The following TMEFF2 variants were observed in gnomAD, a reference collection of about 807,000 sequenced individuals.
TMEFF2 encodes transmembrane protein with EGF like and two follistatin like domains 2.
In TMEFF2, 28 loss-of-function variants were observed where a neutral mutation model predicts 53.8. The ratio of observed to expected loss-of-function variants is 0.52; its 90% CI spans 0.39 to 0.71. The LOEUF (loss-of-function observed/expected upper bound fraction) is 0.71. Among genes scored for constraint, TMEFF2 ranks in the 30% least tolerant of loss-of-function variants. TMEFF2 has a pLI of 0.00. For missense variants in TMEFF2, 353 were observed against 455.2 expected (o/e 0.78, Z 2.04); for synonymous variants, 162 against 166.3 (o/e 0.97, Z 0.20).
chr2:192,114,909 G>T (rs1004519541), intron 4 of TMEFF2, among the ~76,000 whole-genome samples: 1 of 151,900 alleles, frequency 6.6e-6, no homozygotes, highest in African/African-American at 2.4e-5. Context: ...TGATATTATT[G>T]TGATAAACAT....
chr2:192,163,046 C>T (rs1690673004), intron 4 of TMEFF2, among the ~76,000 whole-genome samples: 2 of 152,168 alleles, frequency 1.3e-5, no homozygotes, highest in African/African-American at 4.8e-5. Flanking sequence ...AGCTAAGGAG[C>T]ACCACGGAGG....
chr2:192,123,247 C>T (rs1231483637), intron 4 of TMEFF2, among the ~76,000 whole-genome samples: 1 of 152,170 alleles, frequency 6.6e-6, no homozygotes, highest in Non-Finnish European at 1.5e-5. Context: ...TTGGCAGCAT[C>T]TGTTTTTCAC....
chr2:192,102,626 C>CTTTTTTTTTTTTTTTTTT (rs10635775), intron 4 of TMEFF2, among the ~76,000 whole-genome samples: 5 of 109,836 alleles, frequency 4.6e-5, no homozygotes, highest in African/African-American at 1.4e-4. Flanking sequence ...TTTTCTTGTT[C>CTTTTTTTTTTTTTTTTTT]TTTTTTTTTT....
chr2:192,137,109 G>C (rs768348824), intron 4 of TMEFF2, among the ~76,000 whole-genome samples: 1 of 152,160 alleles, frequency 6.6e-6, no homozygotes, highest in Admixed American at 6.5e-5. Flanking sequence ...GTCCCTAATC[G>C]CATATTGTAA....
chr2:192,111,358 C>T (rs1175616784), intron 4 of TMEFF2, among the ~76,000 whole-genome samples: 2 of 152,120 alleles, frequency 1.3e-5, no homozygotes, highest in Non-Finnish European at 2.9e-5. Flanking sequence ...TTGTTGAGAA[C>T]TAGAGTAAAG....
intron 5 of TMEFF2, among the ~76,000 whole-genome samples, chr2:192,023,830 C>T (rs1012402412): frequency 6.6e-6 from 1 of 152,130 alleles, no homozygotes; most frequent in Admixed American, 6.6e-5. Context: ...ATCCTTAGAT[C>T]ACCTGACTTG....
At chr2:192,087,233 A>C (rs993553144) in intron 4 of TMEFF2, among the ~76,000 whole-genome samples, 1 of 152,110 alleles carries the variant, frequency 6.6e-6, no homozygotes, top group Non-Finnish European at 1.5e-5. Context: ...CAAGATATTT[A>C]ATCCCCAACC....
intron 5 of TMEFF2, among the ~76,000 whole-genome samples, chr2:192,033,246 T>C (rs1447360593): frequency 2.6e-5 from 4 of 152,200 alleles, no homozygotes; most frequent in African/African-American, 9.6e-5. Flanking sequence ...GTTTAAGACA[T>C]AGGCAAAGAT....
At chr2:192,038,325 G>A (rs1435513623) in intron 5 of TMEFF2, among the ~76,000 whole-genome samples, 1 of 152,016 alleles carries the variant, frequency 6.6e-6, no homozygotes, top group Non-Finnish European at 1.5e-5. Flanking sequence ...CTTTAAAACT[G>A]GAATACTAAT....
intron 7 of TMEFF2, among the ~76,000 whole-genome samples, chr2:191,975,645 T>A (rs1685704676): frequency 6.6e-6 from 1 of 152,114 alleles, no homozygotes; most frequent in Non-Finnish European, 1.5e-5. Context: ...TAGAAGGAAC[T>A]GTTACTGTGT....
chr2:191,978,097 A>G (rs1052989735), intron 7 of TMEFF2, among the ~76,000 whole-genome samples: 3 of 152,290 alleles, frequency 2.0e-5, no homozygotes, highest in East Asian at 3.9e-4. Context: ...TTTCCTGAAC[A>G]TGTTCTTTTG....
At chr2:192,101,143 C>G (rs1232753814) in intron 4 of TMEFF2, among the ~76,000 whole-genome samples, 1 of 152,132 alleles carries the variant, frequency 6.6e-6, no homozygotes, top group Admixed American at 6.6e-5. Context: ...TTTCCCAGGA[C>G]TTGGTTTACT....
chr2:192,160,182 G>A (rs116283618), intron 4 of TMEFF2, among the ~76,000 whole-genome samples: 2 of 152,278 alleles, frequency 1.3e-5, no homozygotes, highest in Non-Finnish European at 2.9e-5. Flanking sequence ...AATTGAGAGA[G>A]TACTCAATAG....
chr2:191,965,078 T>G (rs1692431864), intron 7 of TMEFF2, among the ~76,000 whole-genome samples: 1 of 152,162 alleles, frequency 6.6e-6, no homozygotes, highest in Non-Finnish European at 1.5e-5. Flanking sequence ...ACCCAAGGCC[T>G]TTATTTGTCA....
intron 4 of TMEFF2, among the ~76,000 whole-genome samples, chr2:192,169,048 G>A (rs994622745): frequency 6.6e-6 from 1 of 151,986 alleles, no homozygotes; most frequent in Admixed American, 6.6e-5. Flanking sequence ...TAGTATTAAT[G>A]CATTGGTTCA....
intron 7 of TMEFF2, among the ~76,000 whole-genome samples, chr2:191,993,957 ATTT>A (rs1189872823): frequency 6.6e-6 from 1 of 151,970 alleles, no homozygotes; most frequent in Non-Finnish European, 1.5e-5. Flanking sequence ...CTCTGAACTT[ATTT>A]TTTATTTTTT....
At chr2:192,118,589 G>T (rs554631737) in intron 4 of TMEFF2, among the ~76,000 whole-genome samples, 3 of 152,290 alleles carry the variant, frequency 2.0e-5, no homozygotes, top group Non-Finnish European at 2.9e-5. Flanking sequence ...AATTACAGAA[G>T]TTGTCTCAGG....
intron 4 of TMEFF2, among the ~76,000 whole-genome samples, chr2:192,091,130 C>T (rs764977164): frequency 6.6e-6 from 1 of 152,126 alleles, no homozygotes; most frequent in Non-Finnish European, 1.5e-5. Flanking sequence ...AGTAGTATCA[C>T]GTCTGCTGCC....
intron 4 of TMEFF2, among the ~76,000 whole-genome samples, chr2:192,145,419 C>A (rs1382761416): frequency 6.6e-6 from 1 of 151,812 alleles, no homozygotes; most frequent in Non-Finnish European, 1.5e-5. Context: ...ACAGAGTACC[C>A]ATTTTTAAGT....
Sources: allele counts gnomAD v4.1 joint callset (sites outside exome capture counted in the v4.1 genomes callset), GRCh38; gene constraint gnomAD v4.1.1; transcripts MANE v1.5; gene names NCBI Gene and HGNC (gene_info 2026-07-23, HGNC 2026-07-21).